Variants in KIAA0319L observed in about 807,000 individuals in gnomAD.
The protein encoded by KIAA0319L is dyslexia-associated protein KIAA0319-like protein.
In KIAA0319L, 55 loss-of-function variants were observed where a neutral mutation model predicts 120.1. The observed-to-expected ratio is 0.46, with a 90% confidence interval of 0.37 to 0.57. The LOEUF (loss-of-function observed/expected upper bound fraction) is 0.57. KIAA0319L is among the 20% of genes least tolerant of loss of function. The probability of loss-of-function intolerance (pLI) is 0.00; values close to 1 mark genes in which losing one functional copy is unlikely to be tolerated. For missense variants in KIAA0319L, 1,049 were observed against 1,255.3 expected, an observed-to-expected ratio of 0.84 and a Z score of 2.48; for synonymous variants, 398 against 471.9, an observed-to-expected ratio of 0.84 and a Z score of 2.03.
At chr1:35,495,863 CAAAA>C (rs200064916) in intron 3 of KIAA0319L, among the ~76,000 whole-genome samples, 1 of 68,142 alleles carries the variant, frequency 1.5e-5, no homozygotes, top group East Asian at 2.7e-4. Flanking sequence ...TAACACTCTA[CAAAA>C]AAAAAAAAAA....
chr1:35,454,511 A>G, intron 10 of KIAA0319L, 26 bp from the exon 11 acceptor site: 3 of 1,610,362 alleles, frequency 1.9e-6, no homozygotes, highest in Non-Finnish European at 1.7e-6. Context: ...CAGAAGTGGA[A>G]AAGTGGACTC....
chr1:35,484,767 CATAT>C (rs56318513), intron 3 of KIAA0319L, among the ~76,000 whole-genome samples: 1,175 of 51,384 alleles, frequency 0.023, 15 homozygotes, highest in Admixed American at 0.061. Context: ...AGTTTTTAAT[CATAT>C]ATATATATAT....
rs575051363 is a variant in KIAA0319L, at chr1:35,538,859, C to G, written c.142+15491G>C. Reference sequence around the variant, plus strand: ...CTCCATTTTCAAGTTAATTGTAAGTCACATTCTACTGACAGAAATGAAAAT... The same window carrying G: ...CTCCATTTTCAAGTTAATTGTAAGTGACATTCTACTGACAGAAATGAAAAT... On this transcript the variant is annotated intron_variant, in intron 2 of 20. Transcript: ENST00000325722. Among the ~76,000 whole-genome samples, 7 of 151,820 alleles carry G rather than the reference C, an allele frequency of 4.6e-5. No individual in the cohort carries two copies. The South Asian group carries it at 1.5e-3, about 32-fold the overall frequency.
At chr1:35,537,215 A>G (rs1425560379) in intron 2 of KIAA0319L, among the ~76,000 whole-genome samples, 1 of 152,208 alleles carries the variant, frequency 6.6e-6, no homozygotes, top group African/African-American at 2.4e-5. Context: ...CCACTTGTAG[A>G]TGGTATTGTT....
At chr1:35,512,376 G>A (rs1645486239) in intron 2 of KIAA0319L, among the ~76,000 whole-genome samples, 1 of 148,526 alleles carries the variant, frequency 6.7e-6, no homozygotes, top group African/African-American at 2.5e-5. Context: ...ATAAAATCTG[G>A]GGAAAAAAAA....
chr1:35,442,391 T>C, intron 18 of KIAA0319L, 55 bp from the exon 19 acceptor site: 7 of 1,343,550 alleles, frequency 5.2e-6, no homozygotes, highest in Non-Finnish European at 7.5e-6. Flanking sequence ...GGGAGGGAGG[T>C]CTGGGCTGCT....
chr1:35,537,615 T>TAA (rs58080321), intron 2 of KIAA0319L, among the ~76,000 whole-genome samples: 8,200 of 102,748 alleles, frequency 0.08, 781 homozygotes, highest in East Asian at 0.41. Flanking sequence ...TAAGCGCCAT[T>TAA]AAAAAAAAAA....
chr1:35,551,244 T>TAA (rs1647186377), intron 2 of KIAA0319L, among the ~76,000 whole-genome samples: 1 of 152,240 alleles, frequency 6.6e-6, no homozygotes, highest in Non-Finnish European at 1.5e-5. Flanking sequence ...TTTTGATTGG[T>TAA]AATGAGAACG....
In KIAA0319L at chr1:35,466,609, T is replaced by C; in HGVS notation, c.1200A>G (p.Pro400=). Reference sequence around the variant, plus strand: ...ACACAGCCAGGGCTGAAAACATACCTGGCTTGACTGTCACGTTCACATAGC... The same window carrying C: ...ACACAGCCAGGGCTGAAAACATACCCGGCTTGACTGTCACGTTCACATAGC... ...GEGYVNVTVK[P]EPRKNRPPIA... Residue 400 remains proline, a splice_region_variant and synonymous_variant, in exon 7 of 21, where the codon CCA becomes CCG. Transcript: ENST00000325722. 6.2e-7 allele frequency: 1 copy of C among 1,609,792 alleles called. No homozygotes were observed. Among genetic ancestry groups the C allele is most frequent in the Non-Finnish European group, 8.5e-7 (1 of 1,176,264 alleles).
At chr1:35,546,044 T>C (rs556033831) in intron 2 of KIAA0319L, among the ~76,000 whole-genome samples, 2 of 152,202 alleles carry the variant, frequency 1.3e-5, no homozygotes, top group African/African-American at 4.8e-5. Flanking sequence ...CCATGAGACA[T>C]CTTGGCTGGA....
chr1:35,462,305 A>C (rs905244559), intron 8 of KIAA0319L, among the ~76,000 whole-genome samples: 1 of 152,222 alleles, frequency 6.6e-6, no homozygotes, highest in Non-Finnish European at 1.5e-5. Flanking sequence ...TGAAAAAGGC[A>C]ACTCCAACTA....
chr1:35,460,206 T>C, intron 9 of KIAA0319L, 99 bp downstream of exon 9: 1 of 986,674 alleles, frequency 1.0e-6, no homozygotes, highest in South Asian at 1.6e-5. Context: ...AACTCCACAG[T>C]GAATTTGATA....
At chr1:35,535,936 A>G (rs1646558185) in intron 2 of KIAA0319L, among the ~76,000 whole-genome samples, 1 of 152,176 alleles carries the variant, frequency 6.6e-6, no homozygotes, top group Non-Finnish European at 1.5e-5. Flanking sequence ...TTTCTTGTTA[A>G]TTTTAAAAGT....
At chr1:35,444,112 C>G in intron 17 of KIAA0319L, 49 bp downstream of exon 17, 1 of 1,501,750 alleles carries the variant, frequency 6.7e-7, no homozygotes, top group Non-Finnish European at 9.0e-7. Flanking sequence ...AATGGGTGAG[C>G]TGCAGGCACT....
chr1:35,519,765 G>A (rs1438347060), intron 2 of KIAA0319L, among the ~76,000 whole-genome samples: 1 of 152,136 alleles, frequency 6.6e-6, no homozygotes, highest in African/African-American at 2.4e-5. Flanking sequence ...AAAACTATGA[G>A]CATAGATGAG....
intron 3 of KIAA0319L, among the ~76,000 whole-genome samples, chr1:35,505,853 G>A (rs1645186035): frequency 6.6e-6 from 1 of 152,146 alleles, no homozygotes; most frequent in African/African-American, 2.4e-5. Context: ...TAAACAAAAT[G>A]ATACAGTGCA....
At chr1:35,549,367 A>G (rs933363836) in intron 2 of KIAA0319L, among the ~76,000 whole-genome samples, 1 of 152,150 alleles carries the variant, frequency 6.6e-6, no homozygotes, top group Admixed American at 6.6e-5. Context: ...ACTGGTAGTT[A>G]TTCCAGAGAA....
At chr1:35,448,035 A>T in intron 16 of KIAA0319L, 138 bp downstream of exon 16, 2 of 807,308 alleles carry the variant, frequency 2.5e-6, no homozygotes, top group Non-Finnish European at 4.0e-6. Flanking sequence ...ACAGAAGTCT[A>T]TTGAAGAAAA....
chr1:35,513,288 A>ATATATTTT (rs1414704674), intron 2 of KIAA0319L, among the ~76,000 whole-genome samples: 62 of 85,300 alleles, frequency 7.3e-4, no homozygotes, highest in South Asian at 2.2e-3. Context: ...ATATATATAT[A>ATATATTTT]TTTTTTTTTT....
Sources: allele counts gnomAD v4.1 joint callset (sites outside exome capture counted in the v4.1 genomes callset), GRCh38; gene constraint gnomAD v4.1.1; transcripts MANE v1.5; gene names NCBI Gene and HGNC (gene_info 2026-07-23, HGNC 2026-07-21).